NEK1: variants seen among roughly 807,000 people sequenced by gnomAD.
NEK1 encodes NIMA related kinase 1.
NEK1 carries 137 observed loss-of-function variants against 182.1 expected under a neutral mutation model. That is an observed-to-expected ratio of 0.75 (90% CI 0.65 to 0.87). The LOEUF (loss-of-function observed/expected upper bound fraction) is 0.87, where lower values mean the gene tolerates loss of function less well. NEK1 is among the 40% of genes least tolerant of loss of function. The pLI is 0.00. For missense variants in NEK1, 1,391 were observed against 1,494.4 expected, an observed-to-expected ratio of 0.93 and a Z score of 1.14; for synonymous variants, 513 against 492.2, an observed-to-expected ratio of 1.04 and a Z score of -0.56.
chr4:169,426,374 T>C, intron 29 of NEK1, 140 bp from the exon 30 acceptor site: 3 of 670,776 alleles, frequency 4.5e-6, no homozygotes, highest in East Asian at 2.8e-5. Flanking sequence ...CACTTTCATA[T>C]ATACTTTCTC....
intron 12 of NEK1, among the ~76,000 whole-genome samples, chr4:169,564,181 T>C (rs1763345318): frequency 1.3e-5 from 2 of 152,242 alleles, no homozygotes; most frequent in African/African-American, 2.4e-5. Context: ...AGTTATTCTA[T>C]CATGTACCAG....
chr4:169,472,409 C>T (rs1746171420), intron 26 of NEK1, among the ~76,000 whole-genome samples: 1 of 152,294 alleles, frequency 6.6e-6, no homozygotes, highest in Admixed American at 6.5e-5. Context: ...ACCCCTTGCG[C>T]TTCCCAGGTG....
intron 31 of NEK1, among the ~76,000 whole-genome samples, chr4:169,406,956 A>G (rs992449939): frequency 2.6e-5 from 4 of 152,034 alleles, no homozygotes. Context: ...GACTTGCATA[A>G]AGCTAGAACC....
intron 26 of NEK1, among the ~76,000 whole-genome samples, chr4:169,465,214 C>A (rs1396497086): frequency 6.6e-6 from 1 of 152,036 alleles, no homozygotes; most frequent in Non-Finnish European, 1.5e-5. Flanking sequence ...CCATAACTTA[C>A]AGTCATTTGA....
chr4:169,467,764 AT>A (rs59742476), intron 26 of NEK1, among the ~76,000 whole-genome samples: 1 of 150,752 alleles, frequency 6.6e-6, no homozygotes, highest in African/African-American at 2.4e-5. Context: ...AAAGGTTATG[AT>A]TTTTACCAGT....
intron 19 of NEK1, among the ~76,000 whole-genome samples, chr4:169,515,631 T>G (rs1755086837): frequency 8.6e-6 from 1 of 116,046 alleles, no homozygotes; most frequent in Non-Finnish European, 1.8e-5. Flanking sequence ...TAGGTATATC[T>G]CCCAATGCTA....
chr4:169,592,830 T>TC (rs1768769762), intron 5 of NEK1, among the ~76,000 whole-genome samples: 1 of 151,962 alleles, frequency 6.6e-6, no homozygotes, highest in Non-Finnish European at 1.5e-5. Flanking sequence ...CTCTAAGGAG[T>TC]CCGTACAGTG....
chr4:169,465,005 TATA>T (rs747579940), intron 26 of NEK1, among the ~76,000 whole-genome samples: 7 of 152,084 alleles, frequency 4.6e-5, no homozygotes, highest in Non-Finnish European at 8.8e-5. Context: ...ACATACAGGA[TATA>T]ATATTATGTA....
At chr4:169,514,284 G>C (rs535078792) in intron 19 of NEK1, among the ~76,000 whole-genome samples, 3 of 152,078 alleles carry the variant, frequency 2.0e-5, no homozygotes, top group African/African-American at 7.2e-5. Flanking sequence ...CACCGCACCC[G>C]GCAAGGATTT....
intron 23 of NEK1, among the ~76,000 whole-genome samples, chr4:169,491,523 CA>C (rs1750090126): frequency 6.6e-6 from 1 of 152,162 alleles, no homozygotes; most frequent in East Asian, 1.9e-4. Flanking sequence ...AGCTGTTTTT[CA>C]GAAATAAAAT....
intron 27 of NEK1, among the ~76,000 whole-genome samples, chr4:169,446,559 TA>T (rs1250579663): frequency 1.3e-5 from 2 of 151,790 alleles, no homozygotes; most frequent in African/African-American, 4.8e-5. Context: ...ACCAAATAAC[TA>T]AATAAGGTAC....
intron 2 of NEK1, among the ~76,000 whole-genome samples, chr4:169,605,019 T>C (rs932552655): frequency 3.3e-5 from 5 of 151,318 alleles, no homozygotes; most frequent in African/African-American, 9.8e-5. Flanking sequence ...ATATATTACA[T>C]TACTATGCTA....
At chr4:169,496,455 T>G (rs886810727) in intron 23 of NEK1, among the ~76,000 whole-genome samples, 12 of 146,736 alleles carry the variant, frequency 8.2e-5, no homozygotes, top group African/African-American at 2.3e-4. Flanking sequence ...ATAGGAGTGG[T>G]GAGAGAGGGC....
rs111819686 is a variant in NEK1 at position 169,449,018 on chromosome 4, C to T, written c.2588-10759G>A. On this transcript the variant is annotated intron_variant, in intron 27 of 35. Coordinates refer to ENST00000507142, the MANE Select transcript of NEK1 (RefSeq NM_001199397.3). ...AGGTGATTCTCTCCTGTGCCTGGCTCGGCAGGTCCCACGCCCACAGAGCCT... is the reference window on the plus strand; with the variant it reads ...AGGTGATTCTCTCCTGTGCCTGGCTTGGCAGGTCCCACGCCCACAGAGCCT... 7.9e-3 allele frequency among the ~76,000 whole-genome samples: 1,208 copies of T among 152,354 alleles called. 19 individuals carry two copies. Among genetic ancestry groups the T allele is most frequent in the African/African-American group, 0.027 (1,130 of 41,586 alleles).
At chr4:169,565,193 T>G (rs1763487796) in intron 12 of NEK1, among the ~76,000 whole-genome samples, 1 of 152,162 alleles carries the variant, frequency 6.6e-6, no homozygotes, top group African/African-American at 2.4e-5. Context: ...AACATTAGCT[T>G]TCAAACTTTT....
chr4:169,427,693 GC>G (rs1736640799), intron 29 of NEK1, among the ~76,000 whole-genome samples: 1 of 149,500 alleles, frequency 6.7e-6, no homozygotes. Context: ...ATGGGGTTTT[GC>G]CATGTTGGCC....
At chr4:169,447,781 A>C (rs1740851932) in intron 27 of NEK1, among the ~76,000 whole-genome samples, 1 of 152,120 alleles carries the variant, frequency 6.6e-6, no homozygotes, top group Admixed American at 6.5e-5. Flanking sequence ...AGGCAGGAGA[A>C]TCACTTGAAC....
chr4:169,410,418 C>G (rs1400332671), intron 31 of NEK1, among the ~76,000 whole-genome samples: 2 of 152,100 alleles, frequency 1.3e-5, no homozygotes, highest in Non-Finnish European at 2.9e-5. Context: ...AAATTCTACT[C>G]ATAGTAATTC....
At chr4:169,610,403 T>C (rs2150172139) in intron 2 of NEK1, among the ~76,000 whole-genome samples, 1 of 151,686 alleles carries the variant, frequency 6.6e-6, no homozygotes, top group East Asian at 1.9e-4. Context: ...AACCTCTGCC[T>C]CCCGGGTTCA....
Sources: allele counts gnomAD v4.1 joint callset (sites outside exome capture counted in the v4.1 genomes callset), GRCh38; gene constraint gnomAD v4.1.1; transcripts MANE v1.5; gene names NCBI Gene and HGNC (gene_info 2026-07-23, HGNC 2026-07-21).